The following EOGT variants were observed in gnomAD, a reference collection of about 807,000 sequenced individuals.
The protein encoded by EOGT is EGF domain-specific O-linked N-acetylglucosamine transferase.
EOGT carries 55 observed loss-of-function variants against 70.5 expected under a neutral mutation model. The ratio of observed to expected loss-of-function variants is 0.78; its 90% CI spans 0.63 to 0.98. EOGT has a LOEUF of 0.98. Ranked by LOEUF, EOGT falls within the 50% of genes least tolerant of loss-of-function variation. EOGT has a pLI of 0.00. For synonymous variants in EOGT, 246 were observed against 217.1 expected, an observed-to-expected ratio of 1.13 and a Z score of -1.17; for missense variants, 703 against 641.9, an observed-to-expected ratio of 1.10 and a Z score of -1.03.
At chr3:68,985,164 T>C (rs9818973) in intron 14 of EOGT, among the ~76,000 whole-genome samples, 98,771 of 152,076 alleles carry the variant, frequency 0.65, 32,607 homozygotes, top group Non-Finnish European at 0.7. Flanking sequence ...TATACCAATA[T>C]ATACTGTTGA....
chr3:68,990,826 T>A (rs1248992679), intron 10 of EOGT, among the ~76,000 whole-genome samples: 1 of 152,094 alleles, frequency 6.6e-6, no homozygotes, highest in Non-Finnish European at 1.5e-5. Context: ...TTTATAGCAT[T>A]CTTTTCTCAG....
Position 68,975,597 on chromosome 3 carries a change from TG to T in EOGT, c.*2020del, listed in dbSNP as rs1475210498. On this transcript the variant is annotated 3_prime_UTR_variant, in exon 18 of 18. Transcript: ENST00000383701. ...GCTGATGCAAAGCGCAACATGCTTT[TG>T]TCATCCCTTTCATCTGAAATATTTT... 6.6e-6 allele frequency: 1 copy of T among 152,620 alleles called. No individual in the cohort carries two copies. The highest frequency in any genetic ancestry group is 1.5e-5 in the Non-Finnish European group (1 of 68,042). 9.5% of individuals were successfully genotyped at this position (152,620 alleles called of 1,614,324 possible). A position where few individuals can be genotyped will look rare whatever the true frequency, so the allele number is the denominator to read the frequency against.
In EOGT at chr3:69,008,532, G is replaced by C; in HGVS notation, c.211-4C>G. 1 of 1,606,474 alleles carries C rather than the reference G, an allele frequency of 6.2e-7. No homozygotes were observed. The highest frequency in any genetic ancestry group is 1.1e-5 in the South Asian group (1 of 90,732). On this transcript the variant is annotated splice_polypyrimidine_tract_variant and splice_region_variant and intron_variant, in intron 4 of 17. Transcript: ENST00000383701. Reference sequence around the variant, plus strand: ...ACTTTAGCTTCTCTAGGTGTTTCTAGAACATAAAACTTACATTGATTTCCC... The same window carrying C: ...ACTTTAGCTTCTCTAGGTGTTTCTACAACATAAAACTTACATTGATTTCCC...
intron 16 of EOGT, 64 bp downstream of exon 16, chr3:68,979,604 A>G: frequency 6.5e-7 from 1 of 1,540,714 alleles, no homozygotes; most frequent in Non-Finnish European, 8.8e-7. Flanking sequence ...TCAGAATGAA[A>G]GCTTTAGCAT....
At chr3:68,998,515 T>C (rs1019494031) in intron 9 of EOGT, among the ~76,000 whole-genome samples, 7 of 152,224 alleles carry the variant, frequency 4.6e-5, no homozygotes, top group Non-Finnish European at 8.8e-5. Flanking sequence ...GGTCTTGCTA[T>C]GGTGGCATGT....
At chr3:68,988,120 G>A (rs954665007) in intron 13 of EOGT, among the ~76,000 whole-genome samples, 175 bp downstream of exon 13, 2 of 152,152 alleles carry the variant, frequency 1.3e-5, no homozygotes, top group Non-Finnish European at 2.9e-5. Context: ...TTGCCATGTT[G>A]GCCAGGCTGG....
At chr3:69,006,939 G>C (rs1559614315) in intron 6 of EOGT, among the ~76,000 whole-genome samples, 1 of 152,210 alleles carries the variant, frequency 6.6e-6, no homozygotes, top group African/African-American at 2.4e-5. Flanking sequence ...GGCATCAGTA[G>C]TATCTGCTAT....
intron 9 of EOGT, 55 bp downstream of exon 9, chr3:69,001,553 A>C: frequency 1.7e-6 from 2 of 1,179,784 alleles, no homozygotes; most frequent in Non-Finnish European, 2.4e-6. Context: ...CATCCAAAAA[A>C]AGGAATAATA....
At chr3:68,996,655 T>C (rs1267657770) in intron 10 of EOGT, among the ~76,000 whole-genome samples, 1 of 152,158 alleles carries the variant, frequency 6.6e-6, no homozygotes, top group Non-Finnish European at 1.5e-5. Flanking sequence ...GCGAATCTTG[T>C]CTCCTTGCAC....
chr3:68,996,193 C>T (rs928658008), intron 10 of EOGT, among the ~76,000 whole-genome samples: 7 of 152,200 alleles, frequency 4.6e-5, no homozygotes, highest in Admixed American at 1.3e-4. Context: ...TGCATATAGA[C>T]GGAAAATAAA....
At chr3:68,989,723 G>A (rs897550737) in intron 10 of EOGT, among the ~76,000 whole-genome samples, 26 of 146,262 alleles carry the variant, frequency 1.8e-4, no homozygotes, top group African/African-American at 6.2e-4. Flanking sequence ...ACTCCAGCCT[G>A]GGCAACAAGA....
Position 68,979,776 on chromosome 3 carries a change from A to T in EOGT, c.1226T>A (p.Phe409Tyr). 1.2e-6 allele frequency: 2 copies of T among 1,613,492 alleles called. No individual in the cohort carries two copies. Among genetic ancestry groups the T allele is most frequent in the Non-Finnish European group, 1.7e-6 (2 of 1,179,556 alleles). The change falls in exon 16 of 18, where the codon TTT becomes TAT. Residue 409 changes from phenylalanine (F) to tyrosine (Y), a missense_variant. Phe to Tyr is a conservative substitution (Grantham distance 22). Transcript: ENST00000383701. ...GTGTGTGATCCTTAGTTGATCTAAA[A>T]ACCCAAGTTCTCTGTGAACATACAG... ...IVDYKYRELG[F>Y]LDQLRITHNT...
rs749501625 is a variant in EOGT, at chr3:68,978,350, C to A, written c.1420G>T (p.Val474Phe). ...AACTTTACCTTATCCTGAGGAAAGACTTTGTTCTGCCGTCGCCAAGTGATG... is the reference window on the plus strand; with the variant it reads ...AACTTTACCTTATCCTGAGGAAAGAATTTGTTCTGCCGTCGCCAAGTGATG... ...HYITWRRQNK[V>F]FPQDKGHHPT... The change falls in exon 17 of 18, where the codon GTC becomes TTC. Residue 474 changes from valine (V) to phenylalanine (F), a missense_variant. Transcript: ENST00000383701. 1.9e-5 allele frequency: 31 copies of A among 1,612,222 alleles called. No individual in the cohort carries two copies. The highest frequency in any genetic ancestry group is 2.6e-5 in the Non-Finnish European group (31 of 1,179,378).
chr3:69,012,963 G>C (rs2091612938), intron 1 of EOGT, among the ~76,000 whole-genome samples, 164 bp from the exon 2 acceptor site: 1 of 152,154 alleles, frequency 6.6e-6, no homozygotes, highest in East Asian at 1.9e-4. Context: ...GTGAGACCCC[G>C]AATGACACCT....
rs969832931 is a variant in EOGT, at chr3:68,977,754, G to C, written c.1448C>G (p.Pro483Arg). 16 of 1,611,480 alleles carry C rather than the reference G, an allele frequency of 9.9e-6. No homozygotes were observed. The highest frequency in any genetic ancestry group is 1.4e-5 in the Non-Finnish European group (16 of 1,179,034). The change falls in exon 18 of 18, where the codon CCA becomes CGA. Residue 483 changes from proline to arginine, a missense_variant. Transcript: ENST00000383701. Reference protein sequence around the residue: ...KVFPQDKGHHPTLGEHPKFTN... With the variant: ...KVFPQDKGHHRTLGEHPKFTN... ...GAACTTCGGGTGCTCCCCCAGGGTT[G>C]GATGGTGGCCCTGTGAAAATAAACC...
chr3:68,991,315 G>A (rs1047843816), intron 10 of EOGT, among the ~76,000 whole-genome samples: 3 of 152,206 alleles, frequency 2.0e-5, no homozygotes, highest in African/African-American at 7.2e-5. Context: ...ATTTAAACAT[G>A]CACATAATCT....
intron 8 of EOGT, among the ~76,000 whole-genome samples, chr3:69,003,636 A>AT (rs199635108): frequency 0.02 from 3,091 of 152,266 alleles, 64 homozygotes; most frequent in East Asian, 0.043. Context: ...TTAAACTTCT[A>AT]TGAGTCTAAA....
At chr3:69,002,516 G>C in intron 8 of EOGT, among the ~76,000 whole-genome samples, 1 of 152,080 alleles carries the variant, frequency 6.6e-6, no homozygotes, top group East Asian at 1.9e-4. Flanking sequence ...TCTTGTAAAA[G>C]TCTGCTAAGT....
At position 68,979,768 on chromosome 3, in the gene EOGT, G is replaced by A. The variant is rs1379880963; in HGVS notation, c.1234C>T (p.Gln412Ter). The A allele has an allele frequency of 6.2e-7, 1 of 1,613,356 alleles. No individual in the cohort carries two copies. Among genetic ancestry groups the A allele is most frequent in the African/African-American group, 1.3e-5 (1 of 74,990 alleles). ...YKYRELGFLD[Q>*]LRITHNTDIF... ...TCCGTGTTGTGTGTGATCCTTAGTT[G>A]ATCTAAAAACCCAAGTTCTCTGTGA... The change falls in exon 16 of 18, where the codon CAA (glutamine) becomes TAA (stop). Residue 412 changes from glutamine to a stop codon, truncating the protein, a stop_gained. Transcript: ENST00000383701. LOFTEE classifies it high-confidence loss of function.
Sources: gnomAD v4.1 joint callset for allele counts (sites outside exome capture counted in the v4.1 genomes callset) on GRCh38, gnomAD v4.1.1 for gene constraint, MANE v1.5 for transcripts, NCBI Gene and HGNC (gene_info 2026-07-23, HGNC 2026-07-21) for gene names.